The following MROH1 variants were observed in gnomAD, a reference collection of about 807,000 sequenced individuals.
MROH1 encodes the protein maestro heat-like repeat-containing protein family member 1.
Under a neutral mutation model 116.5 loss-of-function variants are expected in MROH1, and 117 were observed. The observed-to-expected ratio is 1.00, with a 90% confidence interval of 0.86 to 1.17. The LOEUF is 1.17. Ranked by LOEUF, MROH1 falls within the 50% of genes most tolerant of loss-of-function variation. MROH1 has a pLI of 0.00. For synonymous variants in MROH1, 921 were observed against 583.9 expected (o/e 1.58, Z -8.32); for missense variants, 1,873 against 1,338.5 (o/e 1.40, Z -6.23).
At position 144,244,488 on chromosome 8, in the gene MROH1, G is replaced by T; in HGVS notation, c.2715G>T (p.Thr905=). The T allele has an allele frequency of 1.3e-6, 1 of 774,360 alleles. No individual in the cohort carries two copies. Among genetic ancestry groups the T allele is most frequent in the Non-Finnish European group, 2.4e-6 (1 of 415,100 alleles). The allele number at this position is 774,360 out of a possible 1,614,324, so 48.0% of individuals were successfully genotyped here. The part of the protein sequence containing the change: ...ETLHALEDLL[T]SLLQRNMTPQ... Reference sequence around the variant, plus strand: ...TGCACGCCCTTGAGGATCTGCTGACGAGCCTCCTGCAGCGGAACATGACCC... The same window carrying T: ...TGCACGCCCTTGAGGATCTGCTGACTAGCCTCCTGCAGCGGAACATGACCC... The change falls in exon 28 of 44, where the codon ACG becomes ACT. Residue 905 remains threonine (T), a synonymous_variant. Coordinates refer to ENST00000326134, the MANE Select transcript of MROH1 (RefSeq NM_032450.3).
At chr8:144,218,144 G>A (rs1473443349) in intron 12 of MROH1, among the ~76,000 whole-genome samples, 1 of 152,188 alleles carries the variant, frequency 6.6e-6, no homozygotes, top group Non-Finnish European at 1.5e-5. Context: ...CCCTATCCTA[G>A]TGTGGTGTGT....
At chr8:144,191,005 G>A (rs1828448878) in intron 8 of MROH1, 70 bp downstream of exon 8, 23 of 1,515,824 alleles carry the variant, frequency 1.5e-5, no homozygotes, top group Non-Finnish European at 2.0e-5. Flanking sequence ...CCCTGCCCGT[G>A]GCAAATTGAT....
At chr8:144,235,850 A>G (rs1839952994) in intron 14 of MROH1, among the ~76,000 whole-genome samples, 1 of 152,184 alleles carries the variant, frequency 6.6e-6, no homozygotes, top group Admixed American at 6.5e-5. Flanking sequence ...TACATGCACA[A>G]TTTTTTTCCA....
At chr8:144,185,500 A>G (rs992860758) in intron 7 of MROH1, among the ~76,000 whole-genome samples, 1 of 144,400 alleles carries the variant, frequency 6.9e-6, no homozygotes. Context: ...ATGTGAGGAC[A>G]GCGAGGGGTG....
At chr8:144,220,755 C>T in intron 13 of MROH1, 82 bp downstream of exon 13, 2 of 1,281,062 alleles carry the variant, frequency 1.6e-6, no homozygotes, top group South Asian at 2.6e-5. Flanking sequence ...TGTGAGATCA[C>T]CCACCAACCA....
intron 3 of MROH1, among the ~76,000 whole-genome samples, chr8:144,164,510 T>C (rs552494349): frequency 6.6e-6 from 1 of 151,716 alleles, no homozygotes; most frequent in Non-Finnish European, 1.5e-5. Context: ...GCTCAGGTGA[T>C]CCTCCTACCT....
intron 1 of MROH1, among the ~76,000 whole-genome samples, chr8:144,152,616 G>C (rs1277163090): frequency 1.3e-5 from 2 of 151,526 alleles, no homozygotes; most frequent in Admixed American, 6.6e-5. Flanking sequence ...GTGCAATCTC[G>C]GCTCACTGGA....
chr8:144,178,599 T>A (rs778357179), intron 4 of MROH1, among the ~76,000 whole-genome samples: 1 of 152,152 alleles, frequency 6.6e-6, no homozygotes, highest in East Asian at 1.9e-4. Context: ...TTTATAGCCA[T>A]GTGAGAATGG....
At chr8:144,186,669 C>T (rs939825003) in intron 7 of MROH1, among the ~76,000 whole-genome samples, 1 of 152,242 alleles carries the variant, frequency 6.6e-6, no homozygotes, top group Non-Finnish European at 1.5e-5. Context: ...GGCATAGGGG[C>T]TGGCTCTGTC....
At chr8:144,161,524 A>G (rs1819527207) in intron 2 of MROH1, among the ~76,000 whole-genome samples, 1 of 152,142 alleles carries the variant, frequency 6.6e-6, no homozygotes, top group Non-Finnish European at 1.5e-5. Flanking sequence ...TCCTCTCTCC[A>G]GGCAGTGAGC....
rs531359260 is a variant in MROH1, at chr8:144,179,520, T to C, written c.234T>C (p.Ser78=). 6 of 1,613,546 alleles carry C rather than the reference T, an allele frequency of 3.7e-6. No individual in the cohort carries two copies. In the East Asian group the frequency reaches 1.1e-4, roughly 30 times the overall value. Residue 78 remains serine, a synonymous_variant, in exon 5 of 44, where the codon AGT becomes AGC. Coordinates refer to ENST00000326134, the MANE Select transcript of MROH1 (RefSeq NM_032450.3). The part of the protein sequence containing the change: ...AMERVLSSRA[S]ELDKDTASTI... ...AGAGGGTCCTGAGCAGTCGCGCCAGTGAGCTGGACAAGGACACAGCCAGCA... is the reference window on the plus strand; with the variant it reads ...AGAGGGTCCTGAGCAGTCGCGCCAGCGAGCTGGACAAGGACACAGCCAGCA...
intron 14 of MROH1, among the ~76,000 whole-genome samples, chr8:144,231,324 C>T (rs966436067): frequency 6.6e-6 from 1 of 151,776 alleles, no homozygotes; most frequent in African/African-American, 2.4e-5. Context: ...AGCTGTTGGG[C>T]ACACCTCCCA....
chr8:144,151,611 G>A (rs1417638978), intron 1 of MROH1, among the ~76,000 whole-genome samples: 7 of 152,170 alleles, frequency 4.6e-5, no homozygotes, highest in Non-Finnish European at 1.0e-4. Context: ...TACACCAAAG[G>A]GCAAGAACCC....
rs1840446569 is a variant in MROH1, at chr8:144,238,653, C to A, written c.1339-103C>A. 1.1e-5 allele frequency: 8 copies of A among 700,992 alleles called. No homozygotes were observed. In the Admixed American group the frequency reaches 1.4e-4, roughly 12 times the overall value. The allele number at this position is 700,992 out of a possible 1,614,324, so 43.4% of individuals were successfully genotyped here. A position where few individuals can be genotyped will look rare whatever the true frequency, so the allele number is the denominator to read the frequency against. ...GCAGGTGGTGCACATGTCTGCGTGACCTGCGGCGAGGCTCAGGGTCTGCCC... is the reference window on the plus strand; with the variant it reads ...GCAGGTGGTGCACATGTCTGCGTGAACTGCGGCGAGGCTCAGGGTCTGCCC... On this transcript the variant is annotated intron_variant, in intron 14 of 43. Coordinates refer to ENST00000326134, the MANE Select transcript of MROH1 (RefSeq NM_032450.3).
chr8:144,221,092 C>T (rs368008886), intron 13 of MROH1, among the ~76,000 whole-genome samples: 14 of 152,168 alleles, frequency 9.2e-5, no homozygotes, highest in African/African-American at 3.1e-4. Flanking sequence ...CCTGGGGTCG[C>T]GGACAGTGTT....
intron 7 of MROH1, among the ~76,000 whole-genome samples, chr8:144,185,505 G>T (rs1422596840): frequency 6.7e-6 from 1 of 149,030 alleles, no homozygotes; most frequent in Non-Finnish European, 1.5e-5. Flanking sequence ...AGGACAGCGA[G>T]GGGTGGCGCG....
At chr8:144,159,668 CTG>C (rs1264879280) in intron 1 of MROH1, among the ~76,000 whole-genome samples, 1 of 151,712 alleles carries the variant, frequency 6.6e-6, no homozygotes, top group Non-Finnish European at 1.5e-5. Context: ...GTCTGTGTCT[CTG>C]AACTCTTTCC....
intron 12 of MROH1, among the ~76,000 whole-genome samples, chr8:144,208,640 GC>G (rs770844034): frequency 6.6e-6 from 1 of 152,084 alleles, no homozygotes; most frequent in Non-Finnish European, 1.5e-5. Flanking sequence ...GAATTTTGAG[GC>G]CACAATTCAA....
chr8:144,247,188 G>A (rs1213984642), intron 29 of MROH1, 113 bp from the exon 30 acceptor site: 19 of 686,848 alleles, frequency 2.8e-5, no homozygotes, highest in South Asian at 1.9e-4. Flanking sequence ...CCAGGGCTTC[G>A]TGGACACCAG....
Sources: gnomAD v4.1 joint callset for allele counts (sites outside exome capture counted in the v4.1 genomes callset) on GRCh38, gnomAD v4.1.1 for gene constraint, MANE v1.5 for transcripts, NCBI Gene and HGNC (gene_info 2026-07-23, HGNC 2026-07-21) for gene names.